Variants in SLC4A1AP observed in about 807,000 individuals in gnomAD.
SLC4A1AP encodes the protein kanadaptin.
A neutral mutation model predicts 89.7 loss-of-function variants in SLC4A1AP; 64 were observed. The observed-to-expected ratio is 0.71, with a 90% confidence interval of 0.58 to 0.88. The LOEUF (loss-of-function observed/expected upper bound fraction) is 0.88. Among genes scored for constraint, SLC4A1AP ranks in the 40% least tolerant of loss-of-function variants. The pLI, the probability that SLC4A1AP is intolerant of heterozygous loss-of-function variation, is 0.00. For synonymous variants in SLC4A1AP, 366 were observed against 353.3 expected (o/e 1.04, Z -0.40); for missense variants, 931 against 965.0 (o/e 0.96, Z 0.47).
intron 5 of SLC4A1AP, among the ~76,000 whole-genome samples, chr2:27,671,162 C>G (rs1675423240): frequency 6.6e-6 from 1 of 152,042 alleles, no homozygotes; most frequent in Non-Finnish European, 1.5e-5. Flanking sequence ...ACCTCATGAT[C>G]CGCCTGCCTT....
chr2:27,693,210 G>A (rs1675817124), intron 12 of SLC4A1AP: 2 of 152,104 alleles, frequency 1.3e-5, no homozygotes, highest in Non-Finnish European at 2.9e-5. Context: ...GGGATTACAG[G>A]TGTGAGCCAC....
chr2:27,685,015 C>G (rs1031235464), intron 9 of SLC4A1AP, 22 bp from the exon 10 acceptor site: 57 of 1,569,114 alleles, frequency 3.6e-5, no homozygotes, highest in Non-Finnish European at 4.8e-5. Context: ...ACTACTTGTT[C>G]ATGGTTTTGT....
exon 9 of SLC4A1AP, chr2:27,682,358 G>C (rs200117083): frequency 2.5e-6 from 4 of 1,595,602 alleles, no homozygotes; most frequent in East Asian, 2.2e-5. Flanking sequence ...GGAACAGTAG[G>C]GGTAAGTTGT....
chr2:27,664,539 G>T (rs760015980), exon 1 of SLC4A1AP: 5 of 1,613,822 alleles, frequency 3.1e-6, no homozygotes, highest in Non-Finnish European at 4.2e-6. Flanking sequence ...TGGGCATGTT[G>T]TTCGCTTTGG....
chr2:27,664,472 T>C (rs1304444220), exon 1 of SLC4A1AP: 2 of 1,614,210 alleles, frequency 1.2e-6, no homozygotes, highest in East Asian at 2.2e-5. Flanking sequence ...GAAGCACCCA[T>C]GGCACTTTTC....
At chr2:27,664,026 A>T in exon 1 of SLC4A1AP, 2 of 1,614,224 alleles carry the variant, frequency 1.2e-6, no homozygotes, top group Non-Finnish European at 8.5e-7. Context: ...GGCCCCGGCC[A>T]GCAGTTCTTC....
intron 4 of SLC4A1AP, 31 bp downstream of exon 4, chr2:27,668,934 T>C: frequency 1.2e-6 from 2 of 1,601,454 alleles, no homozygotes; most frequent in Non-Finnish European, 1.7e-6. Context: ...TGTTCTTTTC[T>C]GGAAAATGGC....
exon 2 of SLC4A1AP, chr2:27,665,208 T>G: frequency 6.2e-7 from 1 of 1,613,498 alleles, no homozygotes; most frequent in Non-Finnish European, 8.5e-7. Context: ...AGGAGAAGAC[T>G]CAGATGAAGA....
chr2:27,688,664 A>C, intron 11 of SLC4A1AP, 36 bp from the exon 12 acceptor site: 1 of 1,451,050 alleles, frequency 6.9e-7, no homozygotes, highest in African/African-American at 1.4e-5. Flanking sequence ...ACTTATACTG[A>C]AAATAGCTAT....
At chr2:27,685,152 A>G (rs759166627) in exon 10 of SLC4A1AP, 7 of 1,614,168 alleles carry the variant, frequency 4.3e-6, no homozygotes, top group Non-Finnish European at 4.2e-6. Flanking sequence ...AAGGAGGAGC[A>G]TGAAAAGAAA....
intron 5 of SLC4A1AP, among the ~76,000 whole-genome samples, chr2:27,673,776 G>A (rs113778329): frequency 0.033 from 5,029 of 152,094 alleles, 117 homozygotes; most frequent in Non-Finnish European, 0.051. Context: ...CTGCAAATTA[G>A]GCTTATATTA....
chr2:27,688,808 T>C, intron 12 of SLC4A1AP, 41 bp downstream of exon 12: 1 of 1,438,224 alleles, frequency 7.0e-7, no homozygotes, highest in Non-Finnish European at 9.6e-7. Flanking sequence ...TGAATCCCTT[T>C]GTCATGGACC....
intron 6 of SLC4A1AP, among the ~76,000 whole-genome samples, chr2:27,676,053 G>C (rs1367766264): frequency 1.3e-5 from 2 of 152,174 alleles, no homozygotes; most frequent in Non-Finnish European, 2.9e-5. Context: ...AAGGAATTTT[G>C]AAGAATGTAG....
At chr2:27,667,372 G>A in exon 3 of SLC4A1AP, 2 of 1,612,738 alleles carry the variant, frequency 1.2e-6, no homozygotes, top group African/African-American at 1.3e-5. Flanking sequence ...GGCTCTCCAA[G>A]GCTTTTTTGA....
intron 6 of SLC4A1AP, among the ~76,000 whole-genome samples, 194 bp from the exon 7 acceptor site, chr2:27,677,101 T>C (rs1426157568): frequency 2.0e-5 from 3 of 151,892 alleles, no homozygotes; most frequent in Admixed American, 2.0e-4. Flanking sequence ...ATTGCACCAC[T>C]GCACTCTACC....
At chr2:27,685,907 A>G (rs574504934) in intron 10 of SLC4A1AP, among the ~76,000 whole-genome samples, 16 of 152,314 alleles carry the variant, frequency 1.1e-4, no homozygotes, top group Middle Eastern at 3.4e-3. Flanking sequence ...TTATATGTTC[A>G]TTTTAGAAAC....
chr2:27,671,920 A>G (rs563883030), intron 5 of SLC4A1AP, among the ~76,000 whole-genome samples: 13 of 152,352 alleles, frequency 8.5e-5, no homozygotes, highest in Admixed American at 7.8e-4. Context: ...TAATTATTGT[A>G]GCTTCACTCC....
At chr2:27,670,312 A>G (rs1675401222) in intron 5 of SLC4A1AP, among the ~76,000 whole-genome samples, 1 of 151,470 alleles carries the variant, frequency 6.6e-6, no homozygotes, top group African/African-American at 2.4e-5. Flanking sequence ...CACGAATATT[A>G]CATCAATACA....
intron 8 of SLC4A1AP, 111 bp downstream of exon 8, chr2:27,678,035 A>G (rs1675553437): frequency 2.8e-6 from 2 of 716,164 alleles, no homozygotes; most frequent in African/African-American, 1.8e-5. Flanking sequence ...ATGTAATGCA[A>G]GGAACCCTTT....
Sources: gnomAD v4.1 joint callset for allele counts (sites outside exome capture counted in the v4.1 genomes callset) on GRCh38, gnomAD v4.1.1 for gene constraint, MANE v1.5 for transcripts, NCBI Gene and HGNC (gene_info 2026-07-23, HGNC 2026-07-21) for gene names.